Variants in ATP2A1 observed in about 807,000 individuals in gnomAD.
The protein encoded by ATP2A1 is sarcoplasmic/endoplasmic reticulum calcium ATPase 1.
Under a neutral mutation model 109.5 loss-of-function variants are expected in ATP2A1, and 83 were observed. That is an observed-to-expected ratio of 0.76 (90% CI 0.63 to 0.91). The LOEUF (loss-of-function observed/expected upper bound fraction) is 0.91, where lower values mean the gene tolerates loss of function less well. ATP2A1 is among the 40% of genes least tolerant of loss of function. The pLI is 0.00. For missense variants in ATP2A1, 1,101 were observed against 1,341.0 expected, an observed-to-expected ratio of 0.82 and a Z score of 2.80; for synonymous variants, 505 against 537.6, an observed-to-expected ratio of 0.94 and a Z score of 0.84.
chr16:28,890,675 G>A (rs1180176345), intron 9 of ATP2A1, among the ~76,000 whole-genome samples: 1 of 151,588 alleles, frequency 6.6e-6, no homozygotes, highest in Non-Finnish European at 1.5e-5. Context: ...AGGATTCTGG[G>A]TTTTTTTGTT....
At position 28,880,625 on chromosome 16, in the gene ATP2A1, C is replaced by T. The variant is rs1963442875; in HGVS notation, c.220-290C>T. Among the ~76,000 whole-genome samples, 1 of 152,208 alleles carries T rather than the reference C, an allele frequency of 6.6e-6. No homozygotes were observed. The highest frequency in any genetic ancestry group is 2.4e-5 in the African/African-American group (1 of 41,452). On this transcript the variant is annotated intron_variant, in intron 3 of 22. Coordinates refer to ENST00000395503, the MANE Select transcript of ATP2A1 (RefSeq NM_004320.6). The surrounding 1 kb of genome is among the most constrained non-coding windows in gnomAD (Gnocchi z 4.2). ...CTGTGCGGGGGGTTGGCCTGAGCTTCGCTTCTAAGCCAGCAGCTTGGTCAG... is the reference window on the plus strand; with the variant it reads ...CTGTGCGGGGGGTTGGCCTGAGCTTTGCTTCTAAGCCAGCAGCTTGGTCAG...
At chr16:28,893,035 C>CA (rs201849183) in intron 9 of ATP2A1, among the ~76,000 whole-genome samples, 3,013 of 114,622 alleles carry the variant, frequency 0.026, 79 homozygotes, top group East Asian at 0.17. Flanking sequence ...ACTGCATCTC[C>CA]AAAAAAAAAA....
In ATP2A1 at chr16:28,880,023, G is replaced by A; in HGVS notation, c.219+440G>A. The A allele has an allele frequency of 2.0e-6, 2 of 1,011,968 alleles. No individual in the cohort carries two copies. Among genetic ancestry groups the A allele is most frequent in the Non-Finnish European group, 2.4e-6 (2 of 850,006 alleles). 62.7% of individuals were successfully genotyped at this position (1,011,968 alleles called of 1,614,324 possible). A position where few individuals can be genotyped will look rare whatever the true frequency, so the allele number is the denominator to read the frequency against. On this transcript the variant is annotated intron_variant, in intron 3 of 22. Coordinates refer to ENST00000395503, the MANE Select transcript of ATP2A1 (RefSeq NM_004320.6). The surrounding 1 kb of genome is among the most constrained non-coding windows in gnomAD (Gnocchi z 4.2). ...CCCAGCCTCCTGACGCTGATTGGTC[G>A]AGGGGAGGACTCGCTCCTAGTGGCG... is the stretch of plus-strand genomic sequence containing the variant.
intron 15 of ATP2A1, among the ~76,000 whole-genome samples, chr16:28,901,500 G>A (rs1403164550): frequency 6.6e-6 from 1 of 152,128 alleles, no homozygotes; most frequent in Non-Finnish European, 1.5e-5. Context: ...GTGCGTGGTG[G>A]CACATGCCTG....
At position 28,894,215 on chromosome 16, in the gene ATP2A1, G is replaced by A. The variant is rs1184952683; in HGVS notation, c.1156G>A (p.Gly386Ser). The change falls in exon 10 of 23, where the codon GGC (glycine) becomes AGC (serine). Residue 386 changes from glycine (G) to serine (S), a missense_variant. By Grantham distance (56) the Gly-to-Ser change is moderately conservative. Transcript: ENST00000395503. ...CCTCCTGAATGAGTTCTCCATCACC[G>A]GCTCCACTTACGCTCCAGAGGGAGA... ...ICLLNEFSITGSTYAPEGEVL... is the reference protein window; with the variant it reads ...ICLLNEFSITSSTYAPEGEVL... The A allele has an allele frequency of 3.7e-6, 6 of 1,613,994 alleles. No homozygotes were observed. The highest frequency in any genetic ancestry group is 2.2e-5 in the East Asian group (1 of 44,866).
At chr16:28,886,715 G>A (rs1006775941) in intron 6 of ATP2A1, among the ~76,000 whole-genome samples, 1 of 151,620 alleles carries the variant, frequency 6.6e-6, no homozygotes, top group African/African-American at 2.4e-5. Flanking sequence ...ACTTCTGGCT[G>A]GGCACGGTGG....
In ATP2A1 at chr16:28,878,670, C is replaced by T. The variant is rs375892159; in HGVS notation, c.-2C>T. 15 of 1,594,820 alleles carry T rather than the reference C, an allele frequency of 9.4e-6. No homozygotes were observed. In the African/African-American group the frequency reaches 1.6e-4, roughly 17 times the overall value. Reference sequence around the variant, plus strand: ...GGCCCCGGCCCCCAGGAAGGGAGCACAATGGAGGCCGCTCATGCTAAAACC... The same window carrying T: ...GGCCCCGGCCCCCAGGAAGGGAGCATAATGGAGGCCGCTCATGCTAAAACC... On this transcript the variant is annotated 5_prime_UTR_variant, in exon 1 of 23. Transcript: ENST00000395503.
At chr16:28,879,031 T>C in intron 1 of ATP2A1, 68 bp from the exon 2 acceptor site, 1 of 1,604,234 alleles carries the variant, frequency 6.2e-7, no homozygotes, top group South Asian at 1.1e-5. Flanking sequence ...AGCCACAAAG[T>C]CTTGGGTGTG....
At chr16:28,894,784 G>C in intron 11 of ATP2A1, 38 bp from the exon 12 acceptor site, 1 of 1,609,548 alleles carries the variant, frequency 6.2e-7, no homozygotes, top group African/African-American at 1.3e-5. Flanking sequence ...GTAGGAGCCT[G>C]GGGCACCGAC....
chr16:28,885,004 C>T (rs574046966), intron 6 of ATP2A1, among the ~76,000 whole-genome samples: 155 of 152,038 alleles, frequency 1.0e-3, no homozygotes, highest in Non-Finnish European at 4.3e-4. Context: ...TTTGGGAGGC[C>T]GAGGTGGGTG....
intron 3 of ATP2A1, chr16:28,879,835 C>T: frequency 4.8e-6 from 3 of 627,304 alleles, no homozygotes; most frequent in Non-Finnish European, 7.8e-6. Context: ...ACCCTCGCGG[C>T]TTCAAGAGCT....
At position 28,900,570 on chromosome 16, in the gene ATP2A1, T is replaced by C; in HGVS notation, c.1765-11T>C. 1 of 1,550,718 alleles carries C rather than the reference T, an allele frequency of 6.4e-7. No homozygotes were observed. The highest frequency in any genetic ancestry group is 8.7e-7 in the Non-Finnish European group (1 of 1,146,488). On this transcript the variant is annotated splice_polypyrimidine_tract_variant and intron_variant, in intron 14 of 22. Transcript: ENST00000395503. ...CCACCTGACCTGTGGCTCTCTGCTG[T>C]ATCTCCCCAGACGGACCTGACATTC...
rs1471909685 is a variant in ATP2A1 at position 28,898,503 on chromosome 16, C to T, written c.1764+52C>T. ...CGTGGAGCTGGTGAAGGGCCGGGTC[C>T]CAGCCATCCACTCACAGCTCCACCA... is the stretch of plus-strand genomic sequence containing the variant. On this transcript the variant is annotated intron_variant, in intron 14 of 22. Coordinates refer to ENST00000395503, the MANE Select transcript of ATP2A1 (RefSeq NM_004320.6). This position sits in a 1 kb window ranked among gnomAD's most constrained non-coding sequence, Gnocchi z 4.0. 2 of 1,564,968 alleles carry T rather than the reference C, an allele frequency of 1.3e-6. No homozygotes were observed. Among genetic ancestry groups the T allele is most frequent in the Non-Finnish European group, 1.7e-6 (2 of 1,151,366 alleles).
Position 28,880,056 on chromosome 16 carries a change from G to C in ATP2A1, c.219+473G>C. 1 of 1,004,174 alleles carries C rather than the reference G, an allele frequency of 1.0e-6. No homozygotes were observed. The highest frequency in any genetic ancestry group is 1.2e-6 in the Non-Finnish European group (1 of 844,520). 62.2% of individuals were successfully genotyped at this position (1,004,174 alleles called of 1,614,324 possible). On this transcript the variant is annotated intron_variant, in intron 3 of 22. Coordinates refer to ENST00000395503, the MANE Select transcript of ATP2A1 (RefSeq NM_004320.6). This position sits in a 1 kb window ranked among gnomAD's most constrained non-coding sequence, Gnocchi z 4.2. ...GACTCGCTCCTAGTGGCGGGAAAGC[G>C]CGGCGGTGTGATGATGACTCCAAGG...
chr16:28,894,983 C>A (rs775888633), intron 12 of ATP2A1, 30 bp downstream of exon 12: 3 of 1,608,206 alleles, frequency 1.9e-6, no homozygotes, highest in Non-Finnish European at 2.5e-6. Flanking sequence ...GCCACAGGGC[C>A]GTCTCCACTC....
chr16:28,879,498 C>T lies in ATP2A1; in HGVS notation c.137-3C>T. On this transcript the variant is annotated splice_region_variant and splice_polypyrimidine_tract_variant and intron_variant, in intron 2 of 22. Coordinates refer to ENST00000395503, the MANE Select transcript of ATP2A1 (RefSeq NM_004320.6). ...GGGGCCCTCCCCTTGCCTCCTCCCCCAGGGAAGACCCTGTGGGAGCTGGTG... is the reference window on the plus strand; with the variant it reads ...GGGGCCCTCCCCTTGCCTCCTCCCCTAGGGAAGACCCTGTGGGAGCTGGTG... 1 of 1,614,082 alleles carries T rather than the reference C, an allele frequency of 6.2e-7. No individual in the cohort carries two copies. The highest frequency in any genetic ancestry group is 8.5e-7 in the Non-Finnish European group (1 of 1,179,948).
chr16:28,887,780 T>G, intron 8 of ATP2A1, 58 bp downstream of exon 8: 1 of 1,553,900 alleles, frequency 6.4e-7, no homozygotes, highest in South Asian at 1.1e-5. Context: ...AAGACCCCTT[T>G]TCTTTTCTTT....
chr16:28,898,536 C>T lies in ATP2A1; in HGVS notation c.1764+85C>T. 2 of 1,423,720 alleles carry T rather than the reference C, an allele frequency of 1.4e-6. No homozygotes were observed. The highest frequency in any genetic ancestry group is 1.9e-6 in the Non-Finnish European group (2 of 1,033,924). 88.2% of individuals were successfully genotyped at this position (1,423,720 alleles called of 1,614,324 possible). A position where few individuals can be genotyped will look rare whatever the true frequency, so the allele number is the denominator to read the frequency against. ...CCACTCACAGCTCCACCACCCGGATCATTTCCTACCTCGTCAGTCAAGTTG... is the reference window on the plus strand; with the variant it reads ...CCACTCACAGCTCCACCACCCGGATTATTTCCTACCTCGTCAGTCAAGTTG... On this transcript the variant is annotated intron_variant, in intron 14 of 22. Transcript: ENST00000395503. The surrounding 1 kb of genome is among the most constrained non-coding windows in gnomAD (Gnocchi z 4.0).
chr16:28,900,483 T>C (rs1385994674), intron 14 of ATP2A1, 98 bp from the exon 15 acceptor site: 3 of 1,067,908 alleles, frequency 2.8e-6, no homozygotes, highest in African/African-American at 3.2e-5. Context: ...CCCCACCACT[T>C]CCTGACCTTT....
Sources: allele counts gnomAD v4.1 joint callset (sites outside exome capture counted in the v4.1 genomes callset), GRCh38; gene constraint gnomAD v4.1.1; non-coding constraint Gnocchi (gnomAD v3.1); transcripts MANE v1.5; gene names NCBI Gene and HGNC (gene_info 2026-07-23, HGNC 2026-07-21).